Variants in TNFAIP8 observed in about 807,000 individuals in gnomAD.
The protein encoded by TNFAIP8 is tumor necrosis factor alpha-induced protein 8.
In TNFAIP8, 7 loss-of-function variants were observed where a neutral mutation model predicts 13.3. That is an observed-to-expected ratio of 0.52 (90% confidence interval 0.30 to 0.99). TNFAIP8 has a LOEUF of 0.99. Among genes scored for constraint, TNFAIP8 ranks in the 50% least tolerant of loss-of-function variants. The pLI, the probability that TNFAIP8 is intolerant of heterozygous loss-of-function variation, is 0.07. For missense variants in TNFAIP8, 258 were observed against 236.9 expected (o/e 1.09, Z -0.58); for synonymous variants, 94 against 87.6 (o/e 1.07, Z -0.41).
upstream of TNFAIP8, among the ~76,000 whole-genome samples, chr5:119,351,616 C>T (rs146485426): frequency 3.2e-4 from 49 of 152,058 alleles, no homozygotes; most frequent in African/African-American, 1.1e-3. Context: ...CTGATGTAGC[C>T]CCATCGCTAA....
At chr5:119,351,248 A>G (rs1751129726), upstream of TNFAIP8, among the ~76,000 whole-genome samples, 1 of 152,046 alleles carries the variant, frequency 6.6e-6, no homozygotes. Flanking sequence ...GCTGGTCTCA[A>G]ACTTCTGGCC....
At chr5:119,298,835 T>G (rs532427196) in intron 1 of TNFAIP8, among the ~76,000 whole-genome samples, 1,538 of 152,292 alleles carry the variant, frequency 0.01, 15 homozygotes, top group African/African-American at 0.035. Context: ...TAAACTTCCC[T>G]TCTCACTTCA....
In TNFAIP8 at chr5:119,298,688, A is replaced by G. The variant is rs577009148; in HGVS notation, c.1+29781A>G. Among the ~76,000 whole-genome samples the G allele has an allele frequency of 3.9e-5, 6 of 152,184 alleles. No individual in the cohort carries two copies. The South Asian group carries it at 6.2e-4, about 16-fold the overall frequency. On this transcript the variant is annotated intron_variant, in intron 1 of 1. Coordinates refer to the TNFAIP8 transcript ENST00000274456. Reference sequence around the variant, plus strand: ...GATTGGGGAAGTTCTCCTGGATACTATCCTGCAGAGTGTTTTCCAACTAGG... The same window carrying G: ...GATTGGGGAAGTTCTCCTGGATACTGTCCTGCAGAGTGTTTTCCAACTAGG...
intron 1 of TNFAIP8, among the ~76,000 whole-genome samples, chr5:119,312,287 T>G (rs1314440593): frequency 6.6e-6 from 1 of 152,208 alleles, no homozygotes; most frequent in East Asian, 1.9e-4. Context: ...CTATTGTAAC[T>G]TGGCAATTTG....
At chr5:119,275,690 A>G (rs905066196) in intron 1 of TNFAIP8, among the ~76,000 whole-genome samples, 1 of 152,112 alleles carries the variant, frequency 6.6e-6, no homozygotes, top group African/African-American at 2.4e-5. Context: ...TTTTGCCAGT[A>G]CTTGAGACTT....
At chr5:119,333,765 G>A (rs1750458610) in intron 1 of TNFAIP8, 1 of 777,360 alleles carries the variant, frequency 1.3e-6, no homozygotes, top group Non-Finnish European at 2.1e-6. Flanking sequence ...GAGCTACTGT[G>A]TTCAACAAAT....
At chr5:119,385,299 T>A (rs958524121) in intron 1 of TNFAIP8, among the ~76,000 whole-genome samples, 1 of 152,228 alleles carries the variant, frequency 6.6e-6, no homozygotes, top group African/African-American at 2.4e-5. Context: ...CTTCACGCCC[T>A]GCTGTTGGAT....
chr5:119,269,928 T>C (rs1166349753), intron 1 of TNFAIP8, among the ~76,000 whole-genome samples: 1 of 152,234 alleles, frequency 6.6e-6, no homozygotes, highest in Non-Finnish European at 1.5e-5. Context: ...AATGATTGCC[T>C]GGTTGCTGGG....
At chr5:119,298,203 G>C (rs1417279824) in intron 1 of TNFAIP8, among the ~76,000 whole-genome samples, 14 of 151,320 alleles carry the variant, frequency 9.3e-5, no homozygotes, top group Non-Finnish European at 1.8e-4. Context: ...TCCTAGCCTC[G>C]ATGGTCTTTA....
chr5:119,312,081 TTAAG>T (rs1227120994), intron 1 of TNFAIP8, among the ~76,000 whole-genome samples: 6 of 152,206 alleles, frequency 3.9e-5, no homozygotes, highest in Non-Finnish European at 8.8e-5. Context: ...ATGGTCCTGT[TTAAG>T]TAAGAAAGAA....
intron 1 of TNFAIP8, among the ~76,000 whole-genome samples, chr5:119,298,113 A>G (rs1252389529): frequency 6.6e-6 from 1 of 151,948 alleles, no homozygotes; most frequent in East Asian, 1.9e-4. Context: ...TACATTTACG[A>G]TTAATATTGT....
chr5:119,355,323 T>A, upstream of TNFAIP8: 3 of 702,176 alleles, frequency 4.3e-6, no homozygotes, highest in Non-Finnish European at 2.6e-6. Context: ...GGGCTGTGCT[T>A]GGAGTACCAG....
chr5:119,281,200 A>G (rs1019335511), intron 1 of TNFAIP8, among the ~76,000 whole-genome samples: 6 of 151,956 alleles, frequency 3.9e-5, no homozygotes, highest in Non-Finnish European at 7.4e-5. Context: ...TTTCAAGACT[A>G]TAGTCCAGAC....
At chr5:119,316,949 G>A (rs575399330) in intron 1 of TNFAIP8, among the ~76,000 whole-genome samples, 1 of 152,194 alleles carries the variant, frequency 6.6e-6, no homozygotes, top group Admixed American at 6.5e-5. Context: ...TAACAATTAT[G>A]TGGGCCAAAA....
rs1307516186 is a variant in TNFAIP8 at position 119,398,101 on chromosome 5, A to G, written c.*4720A>G. 1 of 152,176 alleles carries G rather than the reference A, an allele frequency of 6.6e-6. No homozygotes were observed. The highest frequency in any genetic ancestry group is 2.4e-5 in the African/African-American group (1 of 41,454). The allele number at this position is 152,176 out of a possible 1,614,324, so 9.4% of individuals were successfully genotyped here. On this transcript the variant is annotated 3_prime_UTR_variant, in exon 2 of 2. Coordinates refer to ENST00000504771, the MANE Select transcript of TNFAIP8 (RefSeq NM_014350.4). ...GGATAGAGAATTGTGCCCTATGTCC[A>G]CCAAATTTGCATGAGATCTTTATAA... is the stretch of plus-strand genomic sequence containing the variant.
chr5:119,384,407 CG>C (rs987449116), intron 1 of TNFAIP8, among the ~76,000 whole-genome samples: 5 of 151,964 alleles, frequency 3.3e-5, no homozygotes, highest in African/African-American at 1.2e-4. Context: ...TGCTTGAAGC[CG>C]GGGGGTGGAG....
chr5:119,367,194 A>G lies in TNFAIP8; in HGVS notation c.31+11073A>G, dbSNP rs555923558. ...CCCATTAATAAAGTTTACATTCCTG[A>G]TTTGTTTTAGTCCTCTGCATTTCTA... On this transcript the variant is annotated intron_variant, in intron 1 of 1. Transcript: ENST00000504771. 2.2e-4 allele frequency among the ~76,000 whole-genome samples: 34 copies of G among 152,292 alleles called. 1 individual carries two copies. Among genetic ancestry groups the G allele is most frequent in the Admixed American group, 2.0e-3 (31 of 15,304 alleles).
intron 1 of TNFAIP8, 60 bp from the exon 2 acceptor site, chr5:119,392,756 C>T (rs149035240): frequency 6.2e-5 from 90 of 1,457,742 alleles, no homozygotes; most frequent in African/African-American, 5.4e-4. Context: ...GTTTTTAGTT[C>T]GCTTCACTTG....
At chr5:119,302,586 T>A (rs1472071093) in intron 1 of TNFAIP8, among the ~76,000 whole-genome samples, 1 of 152,226 alleles carries the variant, frequency 6.6e-6, no homozygotes, top group African/African-American at 2.4e-5. Context: ...TAACATCATC[T>A]TCTGCCACTC....
Sources: gnomAD v4.1 joint callset for allele counts (sites outside exome capture counted in the v4.1 genomes callset) on GRCh38, gnomAD v4.1.1 for gene constraint, MANE v1.5 for transcripts, NCBI Gene and HGNC (gene_info 2026-07-23, HGNC 2026-07-21) for gene names.